The following MPPE1 variants were observed in gnomAD, a reference collection of about 807,000 sequenced individuals.
MPPE1 encodes metallophosphoesterase 1.
A neutral mutation model predicts 43.8 loss-of-function variants in MPPE1; 28 were observed. That is an observed-to-expected ratio of 0.64 (90% confidence interval 0.47 to 0.88). MPPE1 has a LOEUF of 0.88. MPPE1 is among the 40% of genes least tolerant of loss of function. The pLI is 0.00. For missense variants in MPPE1, 428 were observed against 492.2 expected (o/e 0.87, Z 1.23); for synonymous variants, 159 against 188.5 (o/e 0.84, Z 1.28).
chr18:11,885,109 AC>A (rs1598469732), intron 10 of MPPE1: 1 of 1,153,258 alleles, frequency 8.7e-7, no homozygotes, highest in East Asian at 6.2e-5. Context: ...ATGTGGAACA[AC>A]AGTGGCAAAT....
At chr18:11,888,436 C>A (rs983546394) in intron 6 of MPPE1, among the ~76,000 whole-genome samples, 3 of 152,188 alleles carry the variant, frequency 2.0e-5, no homozygotes, top group Non-Finnish European at 2.9e-5. Context: ...GAGTCATAAA[C>A]TGACCGATTC....
intron 2 of MPPE1, among the ~76,000 whole-genome samples, chr18:11,901,335 A>G (rs1181540327): frequency 1.3e-5 from 2 of 151,860 alleles, no homozygotes; most frequent in Admixed American, 6.6e-5. Context: ...GGCTCAAGCA[A>G]TCCTCCTACC....
rs761163857 is a variant in MPPE1, at chr18:11,886,497, A to G, written c.867+2T>C. ...AATTAGCATCACGACACCCTGGCAA[A>G]CCTTTTGTGATGCCTCCCGTGAAAG... On this transcript the variant is annotated splice_donor_variant, in intron 9 of 10. Transcript: ENST00000588072. LOFTEE classifies it high-confidence loss of function. This position sits in a 1 kb window ranked among gnomAD's most constrained non-coding sequence, Gnocchi z 4.1. The G allele has an allele frequency of 1.2e-6, 2 of 1,614,128 alleles. No individual in the cohort carries two copies. Among genetic ancestry groups the G allele is most frequent in the Non-Finnish European group, 8.5e-7 (1 of 1,180,030 alleles).
chr18:11,907,082 C>G (rs2039794926), intron 1 of MPPE1, among the ~76,000 whole-genome samples: 1 of 152,054 alleles, frequency 6.6e-6, no homozygotes, highest in Non-Finnish European at 1.5e-5. Flanking sequence ...GGGGGTGGAA[C>G]TTGACACATT....
At position 11,884,449 on chromosome 18, in the gene MPPE1, C is replaced by T; in HGVS notation, c.1187G>A (p.Arg396Lys). Reference protein sequence around the residue: ...GLNLLGKRKTR With the variant: ...GLNLLGKRKTK ...ATTTATAATGGCGCCTGCTCTTCAT[C>T]TTGTCTTACGCTTTCCGAGCAAGTT... Residue 396 changes from arginine to lysine, a missense_variant, in exon 11 of 11, where the codon AGA (arginine) becomes AAA (lysine). Around this residue, in one of 3 missense-constraint regions of MPPE1, gnomAD observed 379 missense variants for 402.5 expected, o/e 0.94. Transcript: ENST00000588072. 6.2e-7 allele frequency: 1 copy of T among 1,613,318 alleles called. No individual in the cohort carries two copies. The highest frequency in any genetic ancestry group is 2.2e-5 in the East Asian group (1 of 44,860).
chr18:11,895,471 A>G (rs1294130565), intron 3 of MPPE1, among the ~76,000 whole-genome samples: 1 of 152,164 alleles, frequency 6.6e-6, no homozygotes, highest in African/African-American at 2.4e-5. Context: ...AATGGTACAC[A>G]TCACCCCTGA....
intron 4 of MPPE1, among the ~76,000 whole-genome samples, chr18:11,891,835 T>C (rs1223302135): frequency 6.6e-6 from 1 of 152,206 alleles, no homozygotes; most frequent in Non-Finnish European, 1.5e-5. Context: ...TCTTGATTTT[T>C]TGAGACAGCG....
At chr18:11,903,540 C>T (rs1025771528) in intron 2 of MPPE1, among the ~76,000 whole-genome samples, 4 of 152,206 alleles carry the variant, frequency 2.6e-5, no homozygotes, top group South Asian at 2.1e-4. Context: ...GGCACGGTGG[C>T]TCACGCCTGT....
At chr18:11,885,166 T>C (rs2037002645) in intron 10 of MPPE1, 1 of 721,132 alleles carries the variant, frequency 1.4e-6, no homozygotes, top group Non-Finnish European at 1.9e-6. Context: ...TTCCTCCACC[T>C]TTTTATGAAG....
intron 1 of MPPE1, among the ~76,000 whole-genome samples, chr18:11,906,631 T>C (rs183046782): frequency 1.3e-5 from 2 of 151,934 alleles, no homozygotes; most frequent in Admixed American, 6.6e-5. Context: ...CCGAGGTGGG[T>C]GATCACCTGA....
intron 2 of MPPE1, among the ~76,000 whole-genome samples, chr18:11,904,440 G>C (rs2039512113): frequency 6.6e-6 from 1 of 151,950 alleles, no homozygotes; most frequent in Admixed American, 6.6e-5. Context: ...TCAGCCTCTG[G>C]AGCAGCTGGG....
intron 4 of MPPE1, among the ~76,000 whole-genome samples, chr18:11,890,185 G>T (rs112235095): frequency 1.3e-5 from 2 of 151,948 alleles, no homozygotes; most frequent in African/African-American, 4.8e-5. Context: ...CTCATGATCC[G>T]CCCGCCTCGG....
chr18:11,892,904 G>T (rs1280297939), intron 4 of MPPE1: 1 of 152,254 alleles, frequency 6.6e-6, no homozygotes, highest in South Asian at 2.1e-4. Context: ...TTGGTTTGTG[G>T]AAAGTCTTAT....
intron 1 of MPPE1, among the ~76,000 whole-genome samples, chr18:11,906,800 G>A (rs1470214195): frequency 6.7e-6 from 1 of 148,546 alleles, no homozygotes; most frequent in Non-Finnish European, 1.5e-5. Context: ...GTTGTAGTGA[G>A]CCGAGATCGC....
At chr18:11,885,493 C>T in intron 10 of MPPE1, 183 bp downstream of exon 10, 1 of 685,316 alleles carries the variant, frequency 1.5e-6, no homozygotes, top group Non-Finnish European at 2.4e-6. Flanking sequence ...CCAGGAATGT[C>T]ATGCTGATTG....
chr18:11,901,941 A>G (rs1451083640), intron 2 of MPPE1, among the ~76,000 whole-genome samples: 3 of 152,340 alleles, frequency 2.0e-5, no homozygotes, highest in East Asian at 3.9e-4. Flanking sequence ...TCTGGAGTCA[A>G]CTGCTCTTGC....
intron 2 of MPPE1, among the ~76,000 whole-genome samples, chr18:11,900,048 C>T (rs1406224353): frequency 6.6e-6 from 1 of 152,010 alleles, no homozygotes. Flanking sequence ...CCTGTCTCTA[C>T]TAAAAATACA....
At chr18:11,904,311 A>ATTTTTTTTTTTTTTTTT (rs11426779) in intron 2 of MPPE1, among the ~76,000 whole-genome samples, 1 of 150,278 alleles carries the variant, frequency 6.7e-6, no homozygotes, top group African/African-American at 2.5e-5. Context: ...AATCTTTTTT[A>ATTTTTTTTTTTTTTTTT]TTTATTTATT....
At chr18:11,903,209 G>A (rs974119918) in intron 2 of MPPE1, among the ~76,000 whole-genome samples, 6 of 152,272 alleles carry the variant, frequency 3.9e-5, no homozygotes, top group African/African-American at 1.4e-4. Context: ...AATCTCCTGA[G>A]GGTCCACAGC....
Sources: gnomAD v4.1 joint callset for allele counts (sites outside exome capture counted in the v4.1 genomes callset) on GRCh38, gnomAD v4.1.1 for gene constraint, gnomAD v4.1.1 regional missense constraint, Gnocchi (gnomAD v3.1) non-coding constraint, MANE v1.5 for transcripts, NCBI Gene and HGNC (gene_info 2026-07-23, HGNC 2026-07-21) for gene names.